Variants in SPEN observed in about 807,000 individuals in gnomAD.
SPEN encodes msx2-interacting protein.
In SPEN, 18 loss-of-function variants were observed where a neutral mutation model predicts 269.9. The observed-to-expected ratio is 0.07, with a 90% CI of 0.05 to 0.10. The LOEUF (loss-of-function observed/expected upper bound fraction) is 0.10. Among genes scored for constraint, SPEN ranks in the 10% least tolerant of loss-of-function variants. The pLI, the probability that SPEN is intolerant of heterozygous loss-of-function variation, is 1.00. For synonymous variants in SPEN, 1,726 were observed against 1,765.7 expected (o/e 0.98, Z 0.56); for missense variants, 3,822 against 4,631.2 (o/e 0.83, Z 5.07).
chr1:15,894,695 C>CA (rs2070823641), intron 3 of SPEN, among the ~76,000 whole-genome samples: 1 of 151,744 alleles, frequency 6.6e-6, no homozygotes, highest in Non-Finnish European at 1.5e-5. Context: ...CACGCGCCAC[C>CA]ACACCAGCTA....
rs753011568 is a variant in SPEN, at chr1:15,934,319, G to A, written c.8079G>A (p.Leu2693=). 4.3e-6 allele frequency: 7 copies of A among 1,613,846 alleles called. No homozygotes were observed. The highest frequency in any genetic ancestry group is 1.3e-5 in the African/African-American group (1 of 74,928). Reference sequence around the variant, plus strand: ...CCCCTGCTGGGCCCGTGAACGTCCTGAAAGGGCCTGTGAATGTTCTTACGG... The same window carrying A: ...CCCCTGCTGGGCCCGTGAACGTCCTAAAAGGGCCTGTGAATGTTCTTACGG... ...VSTPAGPVNV[L]KGPVNVLTGP... Residue 2693 remains leucine, a synonymous_variant, in exon 11 of 15, where the codon CTG becomes CTA. Coordinates refer to ENST00000375759, the MANE Select transcript of SPEN (RefSeq NM_015001.3). This position sits in a 1 kb window ranked among gnomAD's most constrained non-coding sequence, Gnocchi z 9.2.
intron 5 of SPEN, among the ~76,000 whole-genome samples, chr1:15,913,549 C>T (rs1052260199): frequency 6.6e-6 from 1 of 151,926 alleles, no homozygotes; most frequent in Non-Finnish European, 1.5e-5. Flanking sequence ...ACCTCGACCT[C>T]CTGGGCTCAA....
intron 3 of SPEN, among the ~76,000 whole-genome samples, chr1:15,889,824 C>A (rs1310390717): frequency 6.6e-6 from 1 of 152,112 alleles, no homozygotes; most frequent in Non-Finnish European, 1.5e-5. Flanking sequence ...AGTGATTCTT[C>A]TGCCTCAGTT....
At chr1:15,855,319 T>G (rs1417665247) in intron 1 of SPEN, among the ~76,000 whole-genome samples, 1 of 152,216 alleles carries the variant, frequency 6.6e-6, no homozygotes, top group Non-Finnish European at 1.5e-5. Flanking sequence ...ATATTCCCAT[T>G]ATGTTACACA....
intron 5 of SPEN, 74 bp from the exon 6 acceptor site, chr1:15,916,054 G>T: frequency 6.7e-7 from 1 of 1,484,046 alleles, no homozygotes; most frequent in Non-Finnish European, 9.0e-7. Flanking sequence ...TTTAAATGTA[G>T]ATTTTTCCAT....
At chr1:15,926,575 A>G (rs1223426039) in intron 10 of SPEN, among the ~76,000 whole-genome samples, 2 of 152,068 alleles carry the variant, frequency 1.3e-5, no homozygotes, top group Non-Finnish European at 2.9e-5. Flanking sequence ...ATATTTTTCT[A>G]AAGTTCATTC....
Position 15,872,882 on chromosome 1 carries a change from T to C in SPEN, c.150T>C (p.Phe50=). The C allele has an allele frequency of 6.5e-7, 1 of 1,545,942 alleles. No individual in the cohort carries two copies. The highest frequency in any genetic ancestry group is 8.8e-7 in the Non-Finnish European group (1 of 1,132,820). Residue 50 remains phenylalanine, a synonymous_variant, in exon 2 of 15, where the codon TTT becomes TTC. Coordinates refer to ENST00000375759, the MANE Select transcript of SPEN (RefSeq NM_015001.3). The part of the protein sequence containing the change: ...KRGSEGGVAA[F]VDFVDIKSAQ... ...GATCTGAAGGAGGAGTGGCTGCCTT[T>C]GTGGATTTTGTGGACATCAAAAGTG... is the stretch of plus-strand genomic sequence containing the variant.
At chr1:15,895,386 C>T (rs2070832470) in intron 3 of SPEN, among the ~76,000 whole-genome samples, 1 of 152,184 alleles carries the variant, frequency 6.6e-6, no homozygotes, top group Non-Finnish European at 1.5e-5. Context: ...TTCTTGACAG[C>T]TCTAGGTACC....
chr1:15,898,822 C>G (rs556695760), intron 3 of SPEN, among the ~76,000 whole-genome samples: 4 of 152,236 alleles, frequency 2.6e-5, no homozygotes, highest in African/African-American at 9.6e-5. Context: ...CTTGGCTTCC[C>G]AAAGTGCTGG....
Position 15,861,227 on chromosome 1 carries a change from G to A in SPEN, c.84-11589G>A, listed in dbSNP as rs574345583. Among the ~76,000 whole-genome samples, 356 of 150,848 alleles carry A rather than the reference G, an allele frequency of 2.4e-3. 2 individuals carry two copies. Among genetic ancestry groups the A allele is most frequent in the African/African-American group, 8.4e-3 (343 of 41,076 alleles). On this transcript the variant is annotated intron_variant, in intron 1 of 14. Coordinates refer to ENST00000375759, the MANE Select transcript of SPEN (RefSeq NM_015001.3). ...CGGCTCACTGCATTCCACCTCCCGGGTTCAAGCGATTCTCCCGCCTCAGCC... is the reference window on the plus strand; with the variant it reads ...CGGCTCACTGCATTCCACCTCCCGGATTCAAGCGATTCTCCCGCCTCAGCC...
At chr1:15,880,600 C>T (rs893914495) in intron 3 of SPEN, among the ~76,000 whole-genome samples, 3 of 151,760 alleles carry the variant, frequency 2.0e-5, no homozygotes, top group African/African-American at 7.3e-5. Flanking sequence ...GGATTACAGG[C>T]ACTGCCACCA....
intron 1 of SPEN, among the ~76,000 whole-genome samples, chr1:15,858,865 G>T (rs2070412505): frequency 6.6e-6 from 1 of 152,138 alleles, no homozygotes; most frequent in Non-Finnish European, 1.5e-5. Context: ...GATCACTTGG[G>T]CCCATGAGGC....
chr1:15,869,580 G>GTATTTATT (rs139016154), intron 1 of SPEN, among the ~76,000 whole-genome samples: 46,491 of 145,904 alleles, frequency 0.32, 7,748 homozygotes, highest in East Asian at 0.55. Context: ...TGTCTCTACT[G>GTATTTATT]TATTTATTTA....
intron 3 of SPEN, among the ~76,000 whole-genome samples, chr1:15,887,808 G>A (rs2070750820): frequency 1.3e-5 from 2 of 150,666 alleles, no homozygotes; most frequent in South Asian, 4.2e-4. Flanking sequence ...GATCACTTGA[G>A]GTCAGGAGTT....
In SPEN at chr1:15,937,491, C is replaced by T; in HGVS notation, c.10355C>T (p.Ala3452Val). Reference protein sequence around the residue: ...DLPVSLPTQTAPKQPLFVPTT... With the variant: ...DLPVSLPTQTVPKQPLFVPTT... ...CCAGTCTCTCTTCCCACTCAGACTG[C>T]CCCAAAACAGCCGTTGTTTGTCCCA... The change falls in exon 12 of 15, where the codon GCC (alanine) becomes GTC (valine). Residue 3452 changes from alanine to valine, a missense_variant. By Grantham distance (64) the Ala-to-Val change is moderately conservative. Coordinates refer to ENST00000375759, the MANE Select transcript of SPEN (RefSeq NM_015001.3). This position sits in a 1 kb window ranked among gnomAD's most constrained non-coding sequence, Gnocchi z 5.7. The T allele has an allele frequency of 6.2e-7, 1 of 1,614,000 alleles. No homozygotes were observed. Among genetic ancestry groups the T allele is most frequent in the Non-Finnish European group, 8.5e-7 (1 of 1,179,992 alleles).
intron 3 of SPEN, among the ~76,000 whole-genome samples, chr1:15,880,490 C>T (rs1426838944): frequency 1.5e-5 from 2 of 134,850 alleles, no homozygotes; most frequent in African/African-American, 2.8e-5. Flanking sequence ...CAGGGTCTCA[C>T]TCTCGCCCAG....
intron 3 of SPEN, among the ~76,000 whole-genome samples, chr1:15,894,270 A>G (rs1057148611): frequency 6.6e-6 from 1 of 152,132 alleles, no homozygotes; most frequent in African/African-American, 2.4e-5. Context: ...TTGTCTCTTA[A>G]ATAAAGACTG....
intron 3 of SPEN, among the ~76,000 whole-genome samples, chr1:15,887,793 G>A (rs965067687): frequency 2.0e-5 from 3 of 150,316 alleles, no homozygotes; most frequent in Admixed American, 6.6e-5. Context: ...AGGCTGAGGC[G>A]GGTGGATCAC....
chr1:15,917,142 G>A, intron 6 of SPEN, among the ~76,000 whole-genome samples: 1 of 152,094 alleles, frequency 6.6e-6, no homozygotes, highest in East Asian at 1.9e-4. Context: ...AATAGAAGCA[G>A]CAAATTAGTG....
Sources: allele counts gnomAD v4.1 joint callset (sites outside exome capture counted in the v4.1 genomes callset), GRCh38; gene constraint gnomAD v4.1.1; non-coding constraint Gnocchi (gnomAD v3.1); transcripts MANE v1.5; gene names NCBI Gene and HGNC (gene_info 2026-07-23, HGNC 2026-07-21).